Variants in UBE4A observed in about 807,000 individuals in gnomAD.
UBE4A encodes ubiquitination factor E4A, also known as ubiquitin conjugation factor E4 A.
UBE4A carries 48 observed loss-of-function variants against 117.9 expected under a neutral mutation model. That is an observed-to-expected ratio of 0.41 (90% CI 0.32 to 0.52). UBE4A has a LOEUF of 0.52. UBE4A is among the 20% of genes least tolerant of loss of function. The pLI, the probability that UBE4A is intolerant of heterozygous loss-of-function variation, is 0.33. For synonymous variants in UBE4A, 407 were observed against 450.0 expected (o/e 0.90, Z 1.21); for missense variants, 1,067 against 1,296.3 (o/e 0.82, Z 2.72).
At chr11:118,381,207 T>C (rs1473011531) in intron 11 of UBE4A, among the ~76,000 whole-genome samples, 184 bp from the exon 12 acceptor site, 2 of 152,210 alleles carry the variant, frequency 1.3e-5, no homozygotes, top group Non-Finnish European at 2.9e-5. Context: ...TGAATAAAAA[T>C]TTAAATTGAC....
intron 5 of UBE4A, among the ~76,000 whole-genome samples, chr11:118,372,111 C>T (rs991243838): frequency 3.9e-5 from 6 of 152,036 alleles, no homozygotes; most frequent in Admixed American, 6.6e-5. Context: ...AAAAATTAGC[C>T]GGGCATGGTG....
intron 2 of UBE4A, among the ~76,000 whole-genome samples, chr11:118,365,885 A>G (rs1948558671): frequency 6.6e-6 from 1 of 152,204 alleles, no homozygotes; most frequent in Admixed American, 6.5e-5. Flanking sequence ...TCCTCCTATA[A>G]GGAGACATAT....
intron 4 of UBE4A, among the ~76,000 whole-genome samples, chr11:118,370,579 C>T (rs1442679559): frequency 1.3e-5 from 2 of 150,958 alleles, no homozygotes; most frequent in Non-Finnish European, 2.9e-5. Flanking sequence ...CATAGTCACA[C>T]GACTGCACTC....
chr11:118,389,574 A>G (rs968360021), intron 16 of UBE4A, 151 bp from the exon 17 acceptor site: 19 of 754,268 alleles, frequency 2.5e-5, no homozygotes, highest in Non-Finnish European at 3.5e-5. Flanking sequence ...TGCAGTGAAA[A>G]TGAATTACTT....
At chr11:118,378,868 A>C (rs1555125811) in intron 10 of UBE4A, 1 of 152,758 alleles carries the variant, frequency 6.5e-6, no homozygotes, top group East Asian at 1.9e-4. Flanking sequence ...TCAGTAGAGA[A>C]TATTAGGCTG....
intron 17 of UBE4A, among the ~76,000 whole-genome samples, chr11:118,390,304 A>G (rs1948799874): frequency 6.6e-6 from 1 of 150,866 alleles, no homozygotes; most frequent in South Asian, 2.1e-4. Flanking sequence ...GCATTCTTTT[A>G]AGGTCACATG....
chr11:118,364,419 C>T lies in UBE4A; in HGVS notation c.-41-621C>T, dbSNP rs193176048. Among the ~76,000 whole-genome samples the T allele has an allele frequency of 2.2e-4, 34 of 152,082 alleles. 1 individual carries two copies. The East Asian group carries it at 6.6e-3, about 29-fold the overall frequency. ...ATTTAATTTTTAGTGGAAGAAATATCAGTATTTTTAAGCCTAGAAATAAAT... is the reference window on the plus strand; with the variant it reads ...ATTTAATTTTTAGTGGAAGAAATATTAGTATTTTTAAGCCTAGAAATAAAT... On this transcript the variant is annotated intron_variant, in intron 1 of 19. Coordinates refer to ENST00000252108, the MANE Select transcript of UBE4A (RefSeq NM_001204077.2).
In UBE4A at chr11:118,365,183, C is replaced by G; in HGVS notation, c.103C>G (p.Gln35Glu). 1 of 1,609,492 alleles carries G rather than the reference C, an allele frequency of 6.2e-7. No homozygotes were observed. Among genetic ancestry groups the G allele is most frequent in the Non-Finnish European group, 8.5e-7 (1 of 1,178,034 alleles). Reference sequence around the variant, plus strand: ...ACAGTTTGCGGCAATCCAAAAAGAGCAGCTGAAGCAACAATCTGGTAAGTG... The same window carrying G: ...ACAGTTTGCGGCAATCCAAAAAGAGGAGCTGAAGCAACAATCTGGTAAGTG... Reference protein sequence around the residue: ...AKQFAAIQKEQLKQQSDELPA... With the variant: ...AKQFAAIQKEELKQQSDELPA... The change falls in exon 2 of 20, where the codon CAG becomes GAG. Residue 35 changes from glutamine to glutamate, a missense_variant. Physicochemically the swap from Gln to Glu is conservative, Grantham distance 29 (BLOSUM62 2). Around this residue, in one of 3 missense-constraint regions of UBE4A, gnomAD observed 1,001 missense variants for 1,184.0 expected, o/e 0.85. Transcript: ENST00000252108.
In UBE4A at chr11:118,398,323, T is replaced by G. The variant is rs1948894005; in HGVS notation, c.*1883T>G. ...TCTTCTGTATTTAACCTTCAGATTG[T>G]AAGCCTTTTCTGGCAAGCTTTTCTT... On this transcript the variant is annotated 3_prime_UTR_variant, in exon 20 of 20. Transcript: ENST00000252108. 6.6e-6 allele frequency: 1 copy of G among 152,610 alleles called. No individual in the cohort carries two copies. The highest frequency in any genetic ancestry group is 6.5e-5 in the Admixed American group (1 of 15,276). The allele number at this position is 152,610 out of a possible 1,614,324, so 9.5% of individuals were successfully genotyped here. A position where few individuals can be genotyped will look rare whatever the true frequency, so the allele number is the denominator to read the frequency against.
chr11:118,373,677 A>G lies in UBE4A; in HGVS notation c.1108A>G (p.Ile370Val). Residue 370 changes from isoleucine (I) to valine (V), a missense_variant, in exon 8 of 20, where the codon ATC becomes GTC. Ile to Val is a conservative substitution (Grantham distance 29, BLOSUM62 3). Around this residue, in one of 3 missense-constraint regions of UBE4A, gnomAD observed 1,001 missense variants for 1,184.0 expected, o/e 0.85. Coordinates refer to ENST00000252108, the MANE Select transcript of UBE4A (RefSeq NM_001204077.2). ...PQEIKVQEAN[I>V]HQFMAQFHEK... is the part of the protein sequence containing the mutation. ...GGAGATCAAAGTACAGGAGGCCAAC[A>G]TCCATCAGGTGGAACTGTTTACCAG... The G allele has an allele frequency of 6.2e-7, 1 of 1,613,724 alleles. No homozygotes were observed. The highest frequency in any genetic ancestry group is 8.5e-7 in the Non-Finnish European group (1 of 1,179,816).
intron 12 of UBE4A, 40 bp downstream of exon 12, chr11:118,381,563 G>C (rs1555126360): frequency 6.3e-7 from 1 of 1,599,726 alleles, no homozygotes; most frequent in East Asian, 2.2e-5. Context: ...TGTTTAGGCT[G>C]TAAAACATTC....
chr11:118,384,398 C>T (rs148136945), intron 13 of UBE4A, among the ~76,000 whole-genome samples: 108 of 152,282 alleles, frequency 7.1e-4, no homozygotes, highest in African/African-American at 2.6e-3. Context: ...CAGCTTGGTA[C>T]TTGTCTCTTG....
intron 4 of UBE4A, among the ~76,000 whole-genome samples, chr11:118,370,636 A>AG (rs1230600864): frequency 6.6e-6 from 1 of 151,642 alleles, no homozygotes; most frequent in Non-Finnish European, 1.5e-5. Flanking sequence ...AAAAAAAAAA[A>AG]GAACACCCAA....
At chr11:118,367,246 TA>T (rs201188460) in intron 2 of UBE4A, among the ~76,000 whole-genome samples, 269 of 136,872 alleles carry the variant, frequency 2.0e-3, no homozygotes, top group African/African-American at 4.0e-3. Flanking sequence ...GACAGAAGTT[TA>T]AAAAAAAAAA....
chr11:118,369,544 CTTACG>C lies in UBE4A; in HGVS notation c.408+12_408+16del, dbSNP rs1395583116. On this transcript the variant is annotated intron_variant, in intron 4 of 19. Transcript: ENST00000252108. ...TGAGCAATGTTGAGCAGGTAATATT[CTTACG>C]TTCCTAATGTGTGCCCTTAGCAAAA... 6.2e-7 allele frequency: 1 copy of C among 1,606,916 alleles called. No individual in the cohort carries two copies. Among genetic ancestry groups the C allele is most frequent in the African/African-American group, 1.3e-5 (1 of 74,756 alleles).
chr11:118,395,135 C>T (rs928261400), intron 19 of UBE4A, among the ~76,000 whole-genome samples: 6 of 151,922 alleles, frequency 3.9e-5, no homozygotes, highest in Non-Finnish European at 5.9e-5. Context: ...TTAAGACCAG[C>T]CTGGTCAACA....
At chr11:118,382,878 C>A in intron 13 of UBE4A, 102 bp downstream of exon 13, 29 of 1,051,052 alleles carry the variant, frequency 2.8e-5, no homozygotes, top group Admixed American at 3.3e-5. Context: ...CAAGCCATTA[C>A]TTATTGAATA....
At chr11:118,383,662 T>A (rs1388448202) in intron 13 of UBE4A, among the ~76,000 whole-genome samples, 1 of 151,992 alleles carries the variant, frequency 6.6e-6, no homozygotes, top group Non-Finnish European at 1.5e-5. Context: ...CTGTGTTTGT[T>A]TAAACAGTAC....
At chr11:118,378,378 TAAAG>T (rs1555125749) in intron 10 of UBE4A, 1 of 152,136 alleles carries the variant, frequency 6.6e-6, no homozygotes, top group African/African-American at 2.4e-5. Context: ...AGACATTAGA[TAAAG>T]AAGATTCTAG....
Sources: gnomAD v4.1 joint callset for allele counts (sites outside exome capture counted in the v4.1 genomes callset) on GRCh38, gnomAD v4.1.1 for gene constraint, gnomAD v4.1.1 regional missense constraint, MANE v1.5 for transcripts, NCBI Gene and HGNC (gene_info 2026-07-23, HGNC 2026-07-21) for gene names.